ATG10: variants seen among roughly 807,000 people sequenced by gnomAD.
ATG10 encodes the protein ubiquitin-like-conjugating enzyme ATG10.
Under a neutral mutation model 32.1 loss-of-function variants are expected in ATG10, and 30 were observed. That is an observed-to-expected ratio of 0.94 (90% CI 0.70 to 1.27). The LOEUF (loss-of-function observed/expected upper bound fraction) is 1.27. Among genes scored for constraint, ATG10 ranks in the 50% most tolerant of loss-of-function variants. The pLI, the probability that ATG10 is intolerant of heterozygous loss-of-function variation, is 0.00. For synonymous variants in ATG10, 87 were observed against 91.5 expected, an observed-to-expected ratio of 0.95 and a Z score of 0.28; for missense variants, 233 against 262.3, an observed-to-expected ratio of 0.89 and a Z score of 0.77.
At chr5:82,010,859 C>T (rs986323841) in intron 2 of ATG10, among the ~76,000 whole-genome samples, 6 of 152,308 alleles carry the variant, frequency 3.9e-5, no homozygotes, top group African/African-American at 1.4e-4. Context: ...TCTAGTTTTA[C>T]AGCATTCTTT....
intron 2 of ATG10, among the ~76,000 whole-genome samples, chr5:81,989,207 C>T (rs1317749748): frequency 1.3e-5 from 2 of 152,192 alleles, no homozygotes; most frequent in Non-Finnish European, 2.9e-5. Flanking sequence ...ACATTTTACC[C>T]GGTTCCCGAA....
chr5:82,031,859 C>T (rs577234086), intron 2 of ATG10, among the ~76,000 whole-genome samples: 6 of 152,368 alleles, frequency 3.9e-5, no homozygotes, highest in African/African-American at 1.4e-4. Flanking sequence ...CTACTTGTAC[C>T]TCCAAATTGT....
chr5:82,179,787 A>G (rs1303949213), intron 5 of ATG10, among the ~76,000 whole-genome samples: 1 of 152,070 alleles, frequency 6.6e-6, no homozygotes, highest in East Asian at 1.9e-4. Context: ...ATGCCCTCTT[A>G]TGTGTTTGAT....
chr5:82,253,283 T>A (rs1285430998), intron 6 of ATG10, 31 bp from the exon 7 acceptor site: 4 of 1,442,714 alleles, frequency 2.8e-6, no homozygotes, highest in Non-Finnish European at 3.9e-6. Context: ...ATGGAAACGT[T>A]AGCATGGCCT....
chr5:82,208,951 C>T (rs1745396442), intron 5 of ATG10, among the ~76,000 whole-genome samples: 1 of 151,946 alleles, frequency 6.6e-6, no homozygotes, highest in Admixed American at 6.6e-5. Flanking sequence ...AGAAATTAGC[C>T]TGCAATTTTT....
At chr5:81,987,858 A>G (rs1262592515) in intron 2 of ATG10, among the ~76,000 whole-genome samples, 180 bp downstream of exon 2, 2 of 151,018 alleles carry the variant, frequency 1.3e-5, no homozygotes, top group African/African-American at 2.4e-5. Context: ...TACTTCAACT[A>G]TATATATTGA....
intron 3 of ATG10, among the ~76,000 whole-genome samples, chr5:82,117,518 G>A (rs1222696449): frequency 6.6e-6 from 1 of 152,016 alleles, no homozygotes; most frequent in Non-Finnish European, 1.5e-5. Flanking sequence ...TTGAATCCTG[G>A]TTGGTACTGA....
At position 81,995,927 on chromosome 5, in the gene ATG10, C is replaced by T. The variant is rs995868644; in HGVS notation, c.108+8249C>T. Among the ~76,000 whole-genome samples, 24 of 152,218 alleles carry T rather than the reference C, an allele frequency of 1.6e-4. No individual in the cohort carries two copies. In the East Asian group the frequency reaches 4.4e-3, roughly 28 times the overall value. On this transcript the variant is annotated intron_variant, in intron 2 of 7. Coordinates refer to ENST00000282185, the MANE Select transcript of ATG10 (RefSeq NM_031482.5). Reference sequence around the variant, plus strand: ...TTGTGTTGTGGAGAAATTATATAGACCCAGAGAGGTGTAATTACAGAAGTT... The same window carrying T: ...TTGTGTTGTGGAGAAATTATATAGATCCAGAGAGGTGTAATTACAGAAGTT...
intron 3 of ATG10, among the ~76,000 whole-genome samples, chr5:82,161,199 A>C (rs1359786890): frequency 1.3e-5 from 2 of 152,194 alleles, no homozygotes; most frequent in Non-Finnish European, 2.9e-5. Flanking sequence ...AATTCATCTA[A>C]TATGAGTAAA....
intron 3 of ATG10, among the ~76,000 whole-genome samples, chr5:82,065,262 G>A (rs762345000): frequency 3.9e-5 from 6 of 152,076 alleles, no homozygotes; most frequent in East Asian, 1.9e-4. Flanking sequence ...GAGTCGGGGC[G>A]GATCACTTGA....
intron 5 of ATG10, among the ~76,000 whole-genome samples, chr5:82,249,950 G>A (rs748148870): frequency 1.5e-4 from 23 of 152,148 alleles, no homozygotes; most frequent in Non-Finnish European, 1.0e-4. Flanking sequence ...TGGAGGCTGC[G>A]TGATTGAACT....
Position 82,035,200 on chromosome 5 carries a change from C to T in ATG10, c.109-23295C>T, listed in dbSNP as rs189174353. Among the ~76,000 whole-genome samples, 352 of 152,336 alleles carry T rather than the reference C, an allele frequency of 2.3e-3. 3 individuals carry two copies. The highest frequency in any genetic ancestry group is 8.1e-3 in the African/African-American group (337 of 41,580). On this transcript the variant is annotated intron_variant, in intron 2 of 7. Coordinates refer to ENST00000282185, the MANE Select transcript of ATG10 (RefSeq NM_031482.5). Reference sequence around the variant, plus strand: ...GCGCTGGGATTACAGGCATGAGCTGCTGCACCTGGCCAATTTATTTAGTTT... The same window carrying T: ...GCGCTGGGATTACAGGCATGAGCTGTTGCACCTGGCCAATTTATTTAGTTT...
chr5:81,984,200 G>A (rs987452324), intron 1 of ATG10, among the ~76,000 whole-genome samples: 9 of 152,386 alleles, frequency 5.9e-5, no homozygotes, highest in South Asian at 2.1e-4. Context: ...CGAGGCTGGC[G>A]GATCACTCGC....
intron 3 of ATG10, among the ~76,000 whole-genome samples, chr5:82,159,422 A>C (rs943856923): frequency 1.3e-5 from 2 of 152,192 alleles, no homozygotes; most frequent in African/African-American, 4.8e-5. Flanking sequence ...GTAAGGCACC[A>C]ACAGGAAGTG....
intron 5 of ATG10, among the ~76,000 whole-genome samples, chr5:82,203,316 C>G (rs1001932703): frequency 4.6e-5 from 7 of 151,928 alleles, no homozygotes; most frequent in African/African-American, 1.7e-4. Flanking sequence ...GGTTGTTTAC[C>G]CTCCCTGCAC....
At position 82,146,483 on chromosome 5, in the gene ATG10, T is replaced by G. The variant is rs1302700774; in HGVS notation, c.217-17916T>G. On this transcript the variant is annotated intron_variant, in intron 3 of 7. Coordinates refer to ENST00000282185, the MANE Select transcript of ATG10 (RefSeq NM_031482.5). ...TTTTTGTCAAGTTTGAGGAGTTTTC[T>G]CTCACTATTTCTTTAAATATTATTT... 2.6e-5 allele frequency among the ~76,000 whole-genome samples: 4 copies of G among 152,200 alleles called. No homozygotes were observed. In the East Asian group the frequency reaches 7.7e-4, roughly 29 times the overall value.
chr5:82,120,455 G>A (rs1766000160), intron 3 of ATG10, among the ~76,000 whole-genome samples: 1 of 152,136 alleles, frequency 6.6e-6, no homozygotes, highest in South Asian at 2.1e-4. Flanking sequence ...ATTTGAACAT[G>A]TATTTAGGAC....
At chr5:82,046,138 T>A (rs527721250) in intron 2 of ATG10, among the ~76,000 whole-genome samples, 14 of 152,192 alleles carry the variant, frequency 9.2e-5, no homozygotes, top group Non-Finnish European at 5.9e-5. Flanking sequence ...TGTCTTCAGG[T>A]TAGATGAGAC....
intron 5 of ATG10, among the ~76,000 whole-genome samples, chr5:82,247,243 C>T (rs56786918): frequency 6.6e-6 from 1 of 152,238 alleles, no homozygotes; most frequent in East Asian, 1.9e-4. Context: ...CCTTTTCTCT[C>T]CTTCTCTTTT....
Sources: gnomAD v4.1 joint callset for allele counts (sites outside exome capture counted in the v4.1 genomes callset) on GRCh38, gnomAD v4.1.1 for gene constraint, MANE v1.5 for transcripts, NCBI Gene and HGNC (gene_info 2026-07-23, HGNC 2026-07-21) for gene names.